Variants in EYS observed in about 807,000 individuals in gnomAD.
The protein encoded by EYS is EGF-like photoreceptor maintenance factor, also known as protein eyes shut homolog.
In EYS, 250 loss-of-function variants were observed where a neutral mutation model predicts 282.1. The observed-to-expected ratio is 0.89, with a 90% confidence interval of 0.80 to 0.98. EYS has a LOEUF of 0.98. Ranked by LOEUF, EYS falls within the 50% of genes least tolerant of loss-of-function variation. EYS has a pLI of 0.00. For synonymous variants in EYS, 1,355 were observed against 1,282.9 expected (o/e 1.06, Z -1.20); for missense variants, 4,016 against 3,709.0 (o/e 1.08, Z -2.15).
intron 15 of EYS, among the ~76,000 whole-genome samples, chr6:64,926,634 T>C (rs889136039): frequency 1.3e-5 from 2 of 152,124 alleles, no homozygotes; most frequent in Admixed American, 6.5e-5. Flanking sequence ...TTACCTGCAT[T>C]TTTTTTCTAA....
At chr6:65,017,217 C>A (rs1044786441) in intron 13 of EYS, among the ~76,000 whole-genome samples, 10 of 152,066 alleles carry the variant, frequency 6.6e-5, no homozygotes, top group Non-Finnish European at 8.8e-5. Context: ...ATGCTAATGG[C>A]AAATCTTATA....
At chr6:64,587,099 A>G (rs1766256876) in intron 26 of EYS, among the ~76,000 whole-genome samples, 1 of 152,090 alleles carries the variant, frequency 6.6e-6, no homozygotes, top group Non-Finnish European at 1.5e-5. Flanking sequence ...ATGCACTTCA[A>G]AAAGTACACA....
Position 65,353,504 on chromosome 6 carries a change from A to T in EYS, c.1413T>A (p.Asp471Glu). 1 of 1,613,290 alleles carries T rather than the reference A, an allele frequency of 6.2e-7. No individual in the cohort carries two copies. The highest frequency in any genetic ancestry group is 8.5e-7 in the Non-Finnish European group (1 of 1,179,512). Residue 471 changes from aspartate (D) to glutamate (E), a missense_variant, in exon 9 of 43, where the codon GAT (aspartate) becomes GAA (glutamate). Asp to Glu is a conservative substitution (Grantham distance 45). Transcript: ENST00000503581. ...CATATTCAAATTGAGCAGGACCTTT[A>T]TCTTGGCAAATACCATGGAAGGTGA... ...CGVTFHGICQ[D>E]KGPAQFEYVW...
chr6:65,139,788 G>A (rs2150207842), intron 12 of EYS, among the ~76,000 whole-genome samples: 1 of 152,098 alleles, frequency 6.6e-6, no homozygotes, highest in South Asian at 2.1e-4. Flanking sequence ...ATTGTGGAAA[G>A]CATTCTGGAG....
At chr6:65,683,193 C>T (rs1768895771) in intron 1 of EYS, among the ~76,000 whole-genome samples, 2 of 151,942 alleles carry the variant, frequency 1.3e-5, no homozygotes, top group Admixed American at 1.3e-4. Flanking sequence ...CAAATTGTTT[C>T]TCAAAAATAT....
intron 19 of EYS, among the ~76,000 whole-genome samples, chr6:64,836,809 A>T (rs1403311260): frequency 6.6e-6 from 1 of 151,764 alleles, no homozygotes; most frequent in East Asian, 1.9e-4. Flanking sequence ...CAAATATAAT[A>T]AAAATTTCAC....
rs1022180192 is a variant in EYS at position 64,575,528 on chromosome 6, G to C, written c.5644+14695C>G. Among the ~76,000 whole-genome samples, 28 of 152,090 alleles carry C rather than the reference G, an allele frequency of 1.8e-4. 1 individual carries two copies. Among genetic ancestry groups the C allele is most frequent in the Non-Finnish European group, 1.5e-5 (1 of 68,014 alleles). On this transcript the variant is annotated intron_variant, in intron 26 of 42. Transcript: ENST00000503581. ...AAGAACTGCCTCAGAGCATCAGCGAGCTAGTGAAACATTAAAACGTATAAA... is the reference window on the plus strand; with the variant it reads ...AAGAACTGCCTCAGAGCATCAGCGACCTAGTGAAACATTAAAACGTATAAA...
At chr6:65,217,086 A>T (rs943769126) in intron 12 of EYS, among the ~76,000 whole-genome samples, 1 of 152,058 alleles carries the variant, frequency 6.6e-6, no homozygotes, top group Admixed American at 6.6e-5. Flanking sequence ...TGAATGAGGC[A>T]ATCAAAATAT....
At chr6:65,142,877 T>C (rs1013241346) in intron 12 of EYS, among the ~76,000 whole-genome samples, 10 of 152,018 alleles carry the variant, frequency 6.6e-5, no homozygotes, top group Admixed American at 5.9e-4. Flanking sequence ...TGATTCTGAG[T>C]TCTGAAACTG....
intron 11 of EYS, among the ~76,000 whole-genome samples, chr6:65,333,220 C>T (rs554430838): frequency 2.8e-4 from 43 of 151,488 alleles, no homozygotes; most frequent in Non-Finnish European, 5.5e-4. Context: ...ACCCACATCC[C>T]ATGAGTTTTG....
rs1250317776 is a variant in EYS at position 63,726,546 on chromosome 6, C to G, written c.8206G>C (p.Ala2736Pro). ...PLAADGILFY[A>P]AQHLKAQSGD... ...GATTGGGCTTTTAAGTGTTGTGCAG[C>G]ATAAAATAGGATACCATCTGCAGCG... The change falls in exon 42 of 43, where the codon GCT becomes CCT. Residue 2736 changes from alanine (A) to proline (P), a missense_variant. Coordinates refer to ENST00000503581, the MANE Select transcript of EYS (RefSeq NM_001142800.2). The G allele has an allele frequency of 6.4e-6, 10 of 1,551,122 alleles. No individual in the cohort carries two copies. Among genetic ancestry groups the G allele is most frequent in the Non-Finnish European group, 8.7e-6 (10 of 1,146,700 alleles).
intron 12 of EYS, among the ~76,000 whole-genome samples, chr6:65,194,102 A>G (rs1354793044): frequency 6.6e-6 from 1 of 151,942 alleles, no homozygotes; most frequent in African/African-American, 2.4e-5. Context: ...GCTTAGGGCT[A>G]CTGCCTAAAT....
At chr6:65,220,654 G>C (rs1445339183) in intron 12 of EYS, among the ~76,000 whole-genome samples, 1 of 152,158 alleles carries the variant, frequency 6.6e-6, no homozygotes, top group Non-Finnish European at 1.5e-5. Flanking sequence ...GGCACCAGTA[G>C]AGTGGGGTGC....
chr6:65,548,714 T>C (rs964348893), intron 2 of EYS, among the ~76,000 whole-genome samples: 6 of 152,244 alleles, frequency 3.9e-5, no homozygotes, highest in Non-Finnish European at 7.3e-5. Context: ...TTCAATATTC[T>C]GCAACTGTTC....
intron 26 of EYS, among the ~76,000 whole-genome samples, chr6:64,543,942 A>G (rs1261390499): frequency 2.0e-5 from 3 of 152,166 alleles, no homozygotes; most frequent in Non-Finnish European, 4.4e-5. Context: ...AAAATGCTAC[A>G]TTTTCCTTGA....
At chr6:64,097,249 G>A (rs760576631) in intron 31 of EYS, among the ~76,000 whole-genome samples, 40 of 152,278 alleles carry the variant, frequency 2.6e-4, no homozygotes, top group Non-Finnish European at 5.3e-4. Context: ...CTCAAGCTGT[G>A]TGCTGGGAGA....
chr6:64,034,773 A>G (rs1432626632), intron 33 of EYS, among the ~76,000 whole-genome samples: 1 of 152,180 alleles, frequency 6.6e-6, no homozygotes, highest in Non-Finnish European at 1.5e-5. Context: ...TGGCATTAAG[A>G]GGAATAATGG....
At chr6:64,578,442 G>A (rs953924613) in intron 26 of EYS, among the ~76,000 whole-genome samples, 1 of 152,012 alleles carries the variant, frequency 6.6e-6, no homozygotes, top group Admixed American at 6.6e-5. Flanking sequence ...TACACAGCTA[G>A]CTCTCATCCT....
intron 19 of EYS, among the ~76,000 whole-genome samples, chr6:64,862,849 T>C (rs776429956): frequency 1.6e-4 from 24 of 152,248 alleles, no homozygotes; most frequent in Non-Finnish European, 2.9e-4. Flanking sequence ...AGTGTTTATA[T>C]GTATATATTC....
Sources: allele counts gnomAD v4.1 joint callset (sites outside exome capture counted in the v4.1 genomes callset), GRCh38; gene constraint gnomAD v4.1.1; transcripts MANE v1.5; gene names NCBI Gene and HGNC (gene_info 2026-07-23, HGNC 2026-07-21).